The following CYP20A1 variants were observed in gnomAD, a reference collection of about 807,000 sequenced individuals.
CYP20A1 encodes the protein cytochrome P450 20A1.
Under a neutral mutation model 61.4 loss-of-function variants are expected in CYP20A1, and 61 were observed. That is an observed-to-expected ratio of 0.99 (90% CI 0.81 to 1.23). CYP20A1 has a LOEUF of 1.23. Ranked by LOEUF, CYP20A1 falls within the 50% of genes most tolerant of loss-of-function variation. The pLI, the probability that CYP20A1 is intolerant of heterozygous loss-of-function variation, is 0.00. For missense variants in CYP20A1, 530 were observed against 542.4 expected (o/e 0.98, Z 0.23); for synonymous variants, 193 against 188.2 (o/e 1.03, Z -0.21).
chr2:203,251,609 G>C (rs930320184), intron 3 of CYP20A1, among the ~76,000 whole-genome samples: 5 of 150,040 alleles, frequency 3.3e-5, no homozygotes, highest in African/African-American at 1.2e-4. Flanking sequence ...GTCTCTACTA[G>C]AAGTACAAAA....
intron 1 of CYP20A1, among the ~76,000 whole-genome samples, chr2:203,240,606 C>T (rs1437435027): frequency 6.6e-6 from 1 of 152,118 alleles, no homozygotes; most frequent in Non-Finnish European, 1.5e-5. Context: ...TGAGTAGAAA[C>T]GCGAAGAAGG....
rs1447136808 is a variant in CYP20A1, at chr2:203,297,457, C to A, written c.*549C>A. 1 of 152,566 alleles carries A rather than the reference C, an allele frequency of 6.6e-6. No individual in the cohort carries two copies. The highest frequency in any genetic ancestry group is 1.5e-5 in the Non-Finnish European group (1 of 68,576). The allele number at this position is 152,566 out of a possible 1,614,324, so 9.5% of individuals were successfully genotyped here. Reference sequence around the variant, plus strand: ...TGGTGGCTCATGCCTGTAATCCCAGCACTTTGGGATGCTGAGGCGGGTGGA... The same window carrying A: ...TGGTGGCTCATGCCTGTAATCCCAGAACTTTGGGATGCTGAGGCGGGTGGA... On this transcript the variant is annotated 3_prime_UTR_variant, in exon 13 of 13. Transcript: ENST00000356079.
intron 6 of CYP20A1, among the ~76,000 whole-genome samples, chr2:203,276,516 GA>G (rs934701641): frequency 5.5e-5 from 8 of 146,462 alleles, no homozygotes; most frequent in East Asian, 2.0e-4. Flanking sequence ...TATAGAACAA[GA>G]AAAAAAAAAG....
At chr2:203,278,768 T>C in intron 7 of CYP20A1, 80 bp downstream of exon 7, 1 of 712,924 alleles carries the variant, frequency 1.4e-6, no homozygotes, top group Non-Finnish European at 2.3e-6. Context: ...TAGTCCCAGC[T>C]ACTTGAGAGG....
chr2:203,256,759 T>C (rs1045321275), intron 4 of CYP20A1, among the ~76,000 whole-genome samples: 2 of 152,226 alleles, frequency 1.3e-5, no homozygotes, highest in African/African-American at 4.8e-5. Context: ...TGCTGTATAC[T>C]TGGCTCTTGT....
At chr2:203,253,894 A>T (rs1042803430) in intron 4 of CYP20A1, among the ~76,000 whole-genome samples, 2 of 151,528 alleles carry the variant, frequency 1.3e-5, no homozygotes, top group Non-Finnish European at 2.9e-5. Flanking sequence ...GTGTTATCTT[A>T]TAACTGTCCT....
chr2:203,275,137 C>T (rs954715568), intron 6 of CYP20A1, among the ~76,000 whole-genome samples: 52 of 152,196 alleles, frequency 3.4e-4, no homozygotes, highest in African/African-American at 1.2e-3. Context: ...CCAGTTTATT[C>T]AGAATCTGAG....
intron 1 of CYP20A1, among the ~76,000 whole-genome samples, chr2:203,241,667 T>A (rs187780022): frequency 6.6e-6 from 1 of 152,290 alleles, no homozygotes; most frequent in African/African-American, 2.4e-5. Context: ...TCTTTATTTT[T>A]TGTTTTGTTT....
chr2:203,303,717 A>G lies in CYP20A1; in HGVS notation c.*6809A>G, dbSNP rs569521151. Among the ~76,000 whole-genome samples the G allele has an allele frequency of 2.0e-4, 30 of 151,996 alleles. No homozygotes were observed. The highest frequency in any genetic ancestry group is 3.8e-4 in the Non-Finnish European group (26 of 68,014). ...TCAACCAAGAAAAAAGAAAAAAAGA[A>G]AAAGAAAACTTAACTGGCCTTTGGG... On this transcript the variant is annotated 3_prime_UTR_variant, in exon 13 of 13. Transcript: ENST00000356079.
chr2:203,292,313 C>T lies in CYP20A1; in HGVS notation c.1135C>T (p.Pro379Ser). ...GGTACTTCAGGATCCTAATACTTGG[C>T]CATCTCCACACAAGTATGAAATATT... Reference protein sequence around the residue: ...GVVLQDPNTWPSPHKFDPDRF... With the variant: ...GVVLQDPNTWSSPHKFDPDRF... The change falls in exon 11 of 13, where the codon CCA becomes TCA. Residue 379 changes from proline to serine, a missense_variant. Coordinates refer to ENST00000356079, the MANE Select transcript of CYP20A1 (RefSeq NM_177538.3). 6.2e-7 allele frequency: 1 copy of T among 1,610,304 alleles called. No individual in the cohort carries two copies. The highest frequency in any genetic ancestry group is 8.5e-7 in the Non-Finnish European group (1 of 1,177,012).
Position 203,298,902 on chromosome 2 carries a change from G to A in CYP20A1, c.*1994G>A, listed in dbSNP as rs896895538. On this transcript the variant is annotated 3_prime_UTR_variant, in exon 13 of 13. Transcript: ENST00000356079. ...TACAAAAAATTATCTGGACATGCTG[G>A]CGTGCGCCTGTAGTCTCAGCTACTT... 6.6e-6 allele frequency among the ~76,000 whole-genome samples: 1 copy of A among 151,774 alleles called. No homozygotes were observed. The highest frequency in any genetic ancestry group is 2.4e-5 in the African/African-American group (1 of 41,292).
intron 10 of CYP20A1, among the ~76,000 whole-genome samples, chr2:203,291,609 C>G (rs1179300950): frequency 6.6e-6 from 1 of 151,860 alleles, no homozygotes. Context: ...TATACAAATT[C>G]TGTCAATTAT....
At chr2:203,246,986 C>T (rs1198711666) in intron 3 of CYP20A1, 65 bp downstream of exon 3, 18 of 1,480,162 alleles carry the variant, frequency 1.2e-5, no homozygotes, top group Non-Finnish European at 1.7e-5. Flanking sequence ...TTAGGCTGGG[C>T]ACGGTGGCTC....
intron 8 of CYP20A1, among the ~76,000 whole-genome samples, chr2:203,284,214 T>G (rs1003078959): frequency 2.0e-5 from 3 of 152,120 alleles, no homozygotes; most frequent in African/African-American, 7.2e-5. Context: ...AAATTAACTT[T>G]GAGATAAGTT....
intron 9 of CYP20A1, among the ~76,000 whole-genome samples, chr2:203,288,647 T>C (rs2068403564): frequency 6.6e-6 from 1 of 152,162 alleles, no homozygotes; most frequent in African/African-American, 2.4e-5. Flanking sequence ...ATGTTTCCCC[T>C]TTTGATTTTG....
chr2:203,266,971 A>C (rs1460864554), intron 5 of CYP20A1, among the ~76,000 whole-genome samples: 1 of 152,046 alleles, frequency 6.6e-6, no homozygotes, highest in Admixed American at 6.6e-5. Context: ...ACAGAGTAAG[A>C]CTTTGTCTCA....
rs2069083126 is a variant in CYP20A1, at chr2:203,303,020, A to G, written c.*6112A>G. Among the ~76,000 whole-genome samples, 1 of 147,668 alleles carries G rather than the reference A, an allele frequency of 6.8e-6. No individual in the cohort carries two copies. Among genetic ancestry groups the G allele is most frequent in the South Asian group, 2.1e-4 (1 of 4,652 alleles). On this transcript the variant is annotated 3_prime_UTR_variant, in exon 13 of 13. Coordinates refer to ENST00000356079, the MANE Select transcript of CYP20A1 (RefSeq NM_177538.3). ...TCTTTTTATTTATTTATTTATTTTG[A>G]GATGGAGTCTCGCTGTGTCACCCAG... is the stretch of plus-strand genomic sequence containing the variant.
At chr2:203,283,188 A>G (rs1345189452) in intron 8 of CYP20A1, among the ~76,000 whole-genome samples, 1 of 144,116 alleles carries the variant, frequency 6.9e-6, no homozygotes, top group African/African-American at 2.5e-5. Flanking sequence ...AAAAAAACCC[A>G]CAAACCAAAA....
chr2:203,248,372 A>G (rs910697318), intron 3 of CYP20A1, among the ~76,000 whole-genome samples: 1 of 152,124 alleles, frequency 6.6e-6, no homozygotes. Flanking sequence ...TGTCGCTACT[A>G]AAAATACAAA....
Sources: allele counts gnomAD v4.1 joint callset (sites outside exome capture counted in the v4.1 genomes callset), GRCh38; gene constraint gnomAD v4.1.1; transcripts MANE v1.5; gene names NCBI Gene and HGNC (gene_info 2026-07-23, HGNC 2026-07-21).